Variants in TAFA5 observed in about 807,000 individuals in gnomAD.
TAFA5 encodes the protein TAFA chemokine like family member 5, also known as chemokine-like protein TAFA-5.
In TAFA5, 6 loss-of-function variants were observed where a neutral mutation model predicts 15.3. That is an observed-to-expected ratio of 0.39 (90% confidence interval 0.21 to 0.77). The LOEUF is 0.77. Ranked by LOEUF, TAFA5 falls within the 30% of genes least tolerant of loss-of-function variation. The pLI, the probability that TAFA5 is intolerant of heterozygous loss-of-function variation, is 0.41. For missense variants in TAFA5, 161 were observed against 193.1 expected, an observed-to-expected ratio of 0.83 and a Z score of 0.98; for synonymous variants, 103 against 80.7, an observed-to-expected ratio of 1.28 and a Z score of -1.48.
Position 48,566,616 on chromosome 22 carries a change from T to G in TAFA5, c.112+76912T>G, listed in dbSNP as rs1235576265. Among the ~76,000 whole-genome samples, 1 of 152,160 alleles carries G rather than the reference T, an allele frequency of 6.6e-6. No individual in the cohort carries two copies. Among genetic ancestry groups the G allele is most frequent in the Non-Finnish European group, 1.5e-5 (1 of 68,030 alleles). On this transcript the variant is annotated intron_variant, in intron 1 of 3. Transcript: ENST00000402357. The surrounding 1 kb of genome is among the most constrained non-coding windows in gnomAD (Gnocchi z 4.5). Reference sequence around the variant, plus strand: ...ACCTAGCTTTAGCCCAACCTCTCCTTCTGCTGCCATAGGCAGGTTGCTGAG... The same window carrying G: ...ACCTAGCTTTAGCCCAACCTCTCCTGCTGCTGCCATAGGCAGGTTGCTGAG...
At chr22:48,647,279 C>T (rs1159830995) in intron 2 of TAFA5, among the ~76,000 whole-genome samples, 2 of 152,170 alleles carry the variant, frequency 1.3e-5, no homozygotes, top group Non-Finnish European at 2.9e-5. Context: ...CAGTGACCCC[C>T]GGCCCCTAGA....
chr22:48,561,661 C>A (rs1923235060), intron 1 of TAFA5, among the ~76,000 whole-genome samples: 1 of 152,226 alleles, frequency 6.6e-6, no homozygotes, highest in African/African-American at 2.4e-5. Flanking sequence ...CTTGGACCCC[C>A]CAACCCCACT....
At chr22:48,646,227 G>C (rs1025151751) in intron 1 of TAFA5, among the ~76,000 whole-genome samples, 1 of 152,190 alleles carries the variant, frequency 6.6e-6, no homozygotes, top group Non-Finnish European at 1.5e-5. Flanking sequence ...GTACAGCCCG[G>C]CTTCTCTCCA....
At chr22:48,571,711 G>A (rs954171442) in intron 1 of TAFA5, among the ~76,000 whole-genome samples, 1 of 147,496 alleles carries the variant, frequency 6.8e-6, no homozygotes. Flanking sequence ...CTGAAGATGT[G>A]CATTTATTTA....
At chr22:48,655,321 A>G (rs1722988979) in intron 2 of TAFA5, among the ~76,000 whole-genome samples, 1 of 152,212 alleles carries the variant, frequency 6.6e-6, no homozygotes, top group Non-Finnish European at 1.5e-5. Context: ...GTCCTTAAGT[A>G]CTTGGATATT....
At chr22:48,716,788 A>G (rs923084097) in intron 3 of TAFA5, among the ~76,000 whole-genome samples, 26 of 152,182 alleles carry the variant, frequency 1.7e-4, no homozygotes, top group African/African-American at 6.0e-4. Flanking sequence ...TGGTATGCCT[A>G]TAGGTACTGT....
intron 2 of TAFA5, among the ~76,000 whole-genome samples, chr22:48,684,018 T>C (rs956648369): frequency 2.0e-5 from 3 of 152,204 alleles, no homozygotes; most frequent in Non-Finnish European, 4.4e-5. Context: ...TTTTTTTCTT[T>C]ATAAATTACC....
chr22:48,708,738 C>T, intron 3 of TAFA5, among the ~76,000 whole-genome samples: 1 of 152,184 alleles, frequency 6.6e-6, no homozygotes, highest in East Asian at 1.9e-4. Flanking sequence ...GGGAATAGGT[C>T]AGGGAGATCT....
At chr22:48,735,749 G>C (rs111725985) in intron 3 of TAFA5, among the ~76,000 whole-genome samples, 2,328 of 141,200 alleles carry the variant, frequency 0.016, 74 homozygotes, top group African/African-American at 0.06. Context: ...TCCATCCCCC[G>C]AGGAGGAATG....
chr22:48,547,890 A>C (rs1351849808), intron 1 of TAFA5, among the ~76,000 whole-genome samples: 1 of 152,238 alleles, frequency 6.6e-6, no homozygotes, highest in East Asian at 1.9e-4. Flanking sequence ...TATTGAGCCC[A>C]GCATCCCATG....
intron 2 of TAFA5, among the ~76,000 whole-genome samples, chr22:48,692,599 T>G (rs1399186945): frequency 1.3e-5 from 2 of 152,160 alleles, no homozygotes; most frequent in Non-Finnish European, 2.9e-5. Context: ...AGTCATAGCC[T>G]GACAGTCTGA....
At chr22:48,576,164 G>A (rs1475139644) in intron 1 of TAFA5, 1 of 140,828 alleles carries the variant, frequency 7.1e-6, no homozygotes, top group Non-Finnish European at 1.5e-5. Context: ...GCCGCCCCCC[G>A]GCGCCCCGCA....
At chr22:48,603,930 C>T (rs2147167348) in intron 1 of TAFA5, among the ~76,000 whole-genome samples, 1 of 152,296 alleles carries the variant, frequency 6.6e-6, no homozygotes, top group East Asian at 1.9e-4. Context: ...TCAGAACCCC[C>T]TGGCCTGGAG....
chr22:48,556,250 C>A (rs1373960601), intron 1 of TAFA5, among the ~76,000 whole-genome samples: 2 of 152,190 alleles, frequency 1.3e-5, no homozygotes, highest in Non-Finnish European at 2.9e-5. Flanking sequence ...CTCACTGGCC[C>A]TGCATCCCCA....
intron 1 of TAFA5, among the ~76,000 whole-genome samples, chr22:48,594,803 C>T (rs1461518384): frequency 1.3e-5 from 2 of 152,164 alleles, no homozygotes; most frequent in Admixed American, 6.5e-5. Context: ...AGGACGGGCG[C>T]CCTGCCAGGA....
chr22:48,602,860 G>A (rs1461315627), intron 1 of TAFA5, among the ~76,000 whole-genome samples: 1 of 152,186 alleles, frequency 6.6e-6, no homozygotes, highest in Non-Finnish European at 1.5e-5. Flanking sequence ...GGTTATTGGT[G>A]TCACATGGGG....
At chr22:48,655,845 T>TTG (rs1927222883) in intron 2 of TAFA5, among the ~76,000 whole-genome samples, 1 of 137,860 alleles carries the variant, frequency 7.3e-6, no homozygotes, top group Non-Finnish European at 1.6e-5. Context: ...TTTTTTTTTT[T>TTG]TTTTTTTTTT....
chr22:48,743,220 G>A (rs913543211), intron 3 of TAFA5, among the ~76,000 whole-genome samples: 2 of 150,134 alleles, frequency 1.3e-5, no homozygotes, highest in African/African-American at 2.5e-5. Flanking sequence ...CCATTCTTCC[G>A]GTTCGGGGGT....
At chr22:48,567,688 C>A (rs558997257) in intron 1 of TAFA5, among the ~76,000 whole-genome samples, 1 of 152,248 alleles carries the variant, frequency 6.6e-6, no homozygotes, top group East Asian at 1.9e-4. Flanking sequence ...GGTCACATAT[C>A]CTCCAAGCTC....
Sources: gnomAD v4.1 joint callset for allele counts (sites outside exome capture counted in the v4.1 genomes callset) on GRCh38, gnomAD v4.1.1 for gene constraint, Gnocchi (gnomAD v3.1) non-coding constraint, MANE v1.5 for transcripts, NCBI Gene and HGNC (gene_info 2026-07-23, HGNC 2026-07-21) for gene names.